Variants in ZFPM2 observed in about 807,000 individuals in gnomAD.
ZFPM2 encodes the protein zinc finger protein ZFPM2.
Under a neutral mutation model 98.6 loss-of-function variants are expected in ZFPM2, and 20 were observed. The ratio of observed to expected loss-of-function variants is 0.20; its 90% confidence interval spans 0.14 to 0.29. The LOEUF (loss-of-function observed/expected upper bound fraction) is 0.29. Ranked by LOEUF, ZFPM2 falls within the 10% of genes least tolerant of loss-of-function variation. The probability of loss-of-function intolerance (pLI) is 1.00; values close to 1 mark genes in which losing one functional copy is unlikely to be tolerated. For missense variants in ZFPM2, 1,310 were observed against 1,388.6 expected, an observed-to-expected ratio of 0.94 and a Z score of 0.90; for synonymous variants, 518 against 502.7, an observed-to-expected ratio of 1.03 and a Z score of -0.41.
intron 5 of ZFPM2, among the ~76,000 whole-genome samples, chr8:105,692,968 T>C (rs1158195635): frequency 6.6e-6 from 1 of 151,954 alleles, no homozygotes; most frequent in African/African-American, 2.4e-5. Flanking sequence ...AGTATGGGAG[T>C]GTGCAGGATT....
intron 5 of ZFPM2, among the ~76,000 whole-genome samples, chr8:105,660,025 G>GA (rs1466258393): frequency 6.6e-6 from 1 of 152,110 alleles, no homozygotes; most frequent in African/African-American, 2.4e-5. Context: ...GAAAAAGAAA[G>GA]ATAAACACTT....
At chr8:105,643,311 C>T (rs750988418) in intron 5 of ZFPM2, among the ~76,000 whole-genome samples, 3 of 152,124 alleles carry the variant, frequency 2.0e-5, no homozygotes, top group Non-Finnish European at 4.4e-5. Flanking sequence ...CTCACTGCAT[C>T]ACCATCGTTT....
chr8:105,445,611 CTT>C (rs879700947), intron 3 of ZFPM2, among the ~76,000 whole-genome samples: 4 of 143,518 alleles, frequency 2.8e-5, no homozygotes, highest in African/African-American at 2.5e-5. Flanking sequence ...ATTATAGTTC[CTT>C]TTTTTTTTTG....
chr8:105,358,844 A>G (rs1456194857), intron 1 of ZFPM2, among the ~76,000 whole-genome samples: 1 of 152,116 alleles, frequency 6.6e-6, no homozygotes, highest in Non-Finnish European at 1.5e-5. Flanking sequence ...AGTCCCAGCT[A>G]CTTGGGAGGC....
intron 1 of ZFPM2, among the ~76,000 whole-genome samples, chr8:105,334,303 A>G (rs958073016): frequency 7.3e-5 from 11 of 151,512 alleles, no homozygotes. Flanking sequence ...GCACAGAAAA[A>G]TATTTTATGG....
At chr8:105,431,934 A>AAAAAAAAAG (rs1286509795) in intron 2 of ZFPM2, among the ~76,000 whole-genome samples, 3 of 151,938 alleles carry the variant, frequency 2.0e-5, no homozygotes, top group African/African-American at 7.3e-5. Context: ...AAAAAAGAAA[A>AAAAAAAAAG]AGAATGTGAC....
chr8:105,553,272 A>G (rs1309373712), intron 3 of ZFPM2, among the ~76,000 whole-genome samples: 1 of 152,308 alleles, frequency 6.6e-6, no homozygotes, highest in South Asian at 2.1e-4. Flanking sequence ...CTCAGAATAA[A>G]TCCTTAAGAC....
Position 105,776,004 on chromosome 8 carries a change from ACT to A in ZFPM2, c.533-12711_533-12710del, listed in dbSNP as rs773111933. ...TAGAAATCCGGGCCTGATGACAATG[ACT>A]CTGTTTACTTTCCCGAAAGAGGCAT... On this transcript the variant is annotated intron_variant, in intron 5 of 7. Transcript: ENST00000407775. Among the ~76,000 whole-genome samples the A allele has an allele frequency of 1.3e-4, 19 of 151,770 alleles. 1 individual carries two copies. Among genetic ancestry groups the A allele is most frequent in the Admixed American group, 5.9e-4 (9 of 15,192 alleles).
intron 2 of ZFPM2, among the ~76,000 whole-genome samples, chr8:105,433,262 T>G (rs2130152505): frequency 6.6e-6 from 1 of 152,318 alleles, no homozygotes; most frequent in African/African-American, 2.4e-5. Flanking sequence ...GCATCAAATC[T>G]TCAGTGAACT....
chr8:105,425,512 CTA>C (rs1811890036), intron 2 of ZFPM2, among the ~76,000 whole-genome samples: 1 of 152,110 alleles, frequency 6.6e-6, no homozygotes, highest in Non-Finnish European at 1.5e-5. Flanking sequence ...TTTGTGTTTT[CTA>C]TGTCTTTCCA....
chr8:105,464,483 A>T (rs1812760064), intron 3 of ZFPM2, among the ~76,000 whole-genome samples: 1 of 152,020 alleles, frequency 6.6e-6, no homozygotes, highest in Non-Finnish European at 1.5e-5. Flanking sequence ...TTCAATTTGT[A>T]AGAAAATGAT....
chr8:105,725,418 TC>T (rs577347098), intron 5 of ZFPM2, among the ~76,000 whole-genome samples: 65 of 151,970 alleles, frequency 4.3e-4, no homozygotes, highest in African/African-American at 1.5e-3. Flanking sequence ...TAATAAATAT[TC>T]CTAGGCTGTT....
chr8:105,354,363 T>TTCTTTA (rs1379928709), intron 1 of ZFPM2, among the ~76,000 whole-genome samples: 2 of 152,258 alleles, frequency 1.3e-5, no homozygotes, highest in Non-Finnish European at 2.9e-5. Context: ...AAGTTCCATT[T>TTCTTTA]TCTTTACTTT....
At chr8:105,598,869 T>G (rs1284778136) in intron 4 of ZFPM2, among the ~76,000 whole-genome samples, 1 of 152,164 alleles carries the variant, frequency 6.6e-6, no homozygotes, top group Non-Finnish European at 1.5e-5. Context: ...TGAAGTCCAC[T>G]AATGCATTCT....
At chr8:105,419,353 T>A in intron 2 of ZFPM2, 51 bp downstream of exon 2, 1 of 1,566,886 alleles carries the variant, frequency 6.4e-7, no homozygotes, top group Admixed American at 1.9e-5. Flanking sequence ...AATGATTTTG[T>A]AATGTTTTAA....
At chr8:105,540,401 A>G (rs1373323731) in intron 3 of ZFPM2, among the ~76,000 whole-genome samples, 2 of 152,090 alleles carry the variant, frequency 1.3e-5, no homozygotes, top group South Asian at 2.1e-4. Context: ...TATGGTTTTT[A>G]TAACAGTCAA....
At chr8:105,745,062 A>G (rs1172728219) in intron 5 of ZFPM2, among the ~76,000 whole-genome samples, 1 of 152,140 alleles carries the variant, frequency 6.6e-6, no homozygotes, top group Non-Finnish European at 1.5e-5. Context: ...CTCATATCCA[A>G]CTTGAATGTC....
intron 2 of ZFPM2, among the ~76,000 whole-genome samples, chr8:105,440,836 G>A (rs1812221751): frequency 6.6e-6 from 1 of 152,142 alleles, no homozygotes. Context: ...TGCTATCAGT[G>A]CCTCCGGTGG....
At chr8:105,573,212 G>A (rs1815394744) in intron 4 of ZFPM2, among the ~76,000 whole-genome samples, 1 of 152,112 alleles carries the variant, frequency 6.6e-6, no homozygotes, top group Admixed American at 6.5e-5. Context: ...GCAAGCAGAT[G>A]AGAGCATAGG....
Sources: allele counts gnomAD v4.1 joint callset (sites outside exome capture counted in the v4.1 genomes callset), GRCh38; gene constraint gnomAD v4.1.1; transcripts MANE v1.5; gene names NCBI Gene and HGNC (gene_info 2026-07-23, HGNC 2026-07-21).